Variants in SCHIP1 observed in about 807,000 individuals in gnomAD.
SCHIP1 encodes the protein schwannomin interacting protein 1.
SCHIP1 carries 8 observed loss-of-function variants against 29.7 expected under a neutral mutation model. The ratio of observed to expected loss-of-function variants is 0.27; its 90% CI spans 0.16 to 0.49. The LOEUF (loss-of-function observed/expected upper bound fraction) is 0.49, where lower values mean the gene tolerates loss of function less well. Among genes scored for constraint, SCHIP1 ranks in the 20% least tolerant of loss-of-function variants. The pLI is 0.99. For missense variants in SCHIP1, 193 were observed against 294.6 expected (o/e 0.66, Z 2.52); for synonymous variants, 76 against 94.9 (o/e 0.80, Z 1.16).
the SCHIP1 span, among the ~76,000 whole-genome samples, chr3:159,819,517 A>G: frequency 2.6e-5 from 4 of 152,192 alleles, no homozygotes. Context: ...AAACAGAAAG[A>G]AAAAAGCCCA....
At chr3:159,647,131 A>G in the SCHIP1 span, among the ~76,000 whole-genome samples, 1 of 152,252 alleles carries the variant, frequency 6.6e-6, no homozygotes, top group Non-Finnish European at 1.5e-5. Flanking sequence ...GTAGACCACC[A>G]TTTGAGGGAA....
chr3:159,382,501 C>T, the SCHIP1 span, among the ~76,000 whole-genome samples: 3 of 152,006 alleles, frequency 2.0e-5, no homozygotes, highest in Non-Finnish European at 4.4e-5. Context: ...TTAATCCAGT[C>T]TATCATTGTT....
At chr3:159,460,396 C>A in the SCHIP1 span, among the ~76,000 whole-genome samples, 1 of 152,162 alleles carries the variant, frequency 6.6e-6, no homozygotes, top group African/African-American at 2.4e-5. Flanking sequence ...CAAAGACCCA[C>A]AGAAAGTGAT....
At chr3:159,491,640 A>T in the SCHIP1 span, among the ~76,000 whole-genome samples, 2 of 152,258 alleles carry the variant, frequency 1.3e-5, no homozygotes, top group African/African-American at 4.8e-5. Context: ...ACCACAGCTC[A>T]AGGAGGCCTG....
At chr3:159,807,338 C>T in the SCHIP1 span, among the ~76,000 whole-genome samples, 1 of 152,152 alleles carries the variant, frequency 6.6e-6, no homozygotes, top group African/African-American at 2.4e-5. Context: ...TATGAATAAA[C>T]GGGCAAGTAA....
chr3:159,450,000 G>A, the SCHIP1 span, among the ~76,000 whole-genome samples: 1 of 151,908 alleles, frequency 6.6e-6, no homozygotes, highest in African/African-American at 2.4e-5. Context: ...AGAAGGAGAG[G>A]GGAGAAATCA....
the SCHIP1 span, among the ~76,000 whole-genome samples, chr3:159,711,707 T>TACAGAAA: frequency 3.9e-5 from 6 of 152,064 alleles, no homozygotes; most frequent in Non-Finnish European, 2.9e-5. Context: ...AGAGTTCTAT[T>TACAGAAA]ACAGAAAACA....
chr3:159,792,894 G>A, the SCHIP1 span, among the ~76,000 whole-genome samples: 2 of 152,162 alleles, frequency 1.3e-5, no homozygotes, highest in Admixed American at 6.5e-5. Context: ...GAATTTGGAT[G>A]TAATTTTTAA....
the SCHIP1 span, among the ~76,000 whole-genome samples, chr3:159,557,119 G>A: frequency 4.0e-5 from 6 of 151,356 alleles, no homozygotes; most frequent in East Asian, 1.9e-4. Context: ...CACCACGCCC[G>A]GCTAATTTTT....
the SCHIP1 span, among the ~76,000 whole-genome samples, chr3:159,756,938 C>G: frequency 1.3e-5 from 2 of 152,216 alleles, no homozygotes; most frequent in Non-Finnish European, 2.9e-5. Context: ...TTCAGTCAGC[C>G]TGACTTAATG....
chr3:159,693,177 A>G, the SCHIP1 span, among the ~76,000 whole-genome samples: 1 of 152,182 alleles, frequency 6.6e-6, no homozygotes, highest in South Asian at 2.1e-4. Flanking sequence ...TTTAATGAGA[A>G]TTGATGCCAT....
At chr3:159,785,311 G>A in the SCHIP1 span, among the ~76,000 whole-genome samples, 1 of 152,204 alleles carries the variant, frequency 6.6e-6, no homozygotes, top group Non-Finnish European at 1.5e-5. Flanking sequence ...CACTTAAAAT[G>A]CCATATCAGA....
At chr3:159,637,555 G>A in the SCHIP1 span, among the ~76,000 whole-genome samples, 2 of 152,158 alleles carry the variant, frequency 1.3e-5, no homozygotes, top group Non-Finnish European at 2.9e-5. Context: ...ATGCCAGAAA[G>A]AGGGAATGAA....
chr3:159,807,345 G>A, the SCHIP1 span, among the ~76,000 whole-genome samples: 1 of 152,176 alleles, frequency 6.6e-6, no homozygotes, highest in South Asian at 2.1e-4. Flanking sequence ...AAACGGGCAA[G>A]TAATGGATGA....
chr3:159,597,739 G>A, the SCHIP1 span, among the ~76,000 whole-genome samples: 4 of 152,122 alleles, frequency 2.6e-5, no homozygotes, highest in Admixed American at 2.6e-4. Context: ...CAATAAACAC[G>A]AAAGTGCAAT....
chr3:159,313,492 TAAGAATAG>T, the SCHIP1 span, among the ~76,000 whole-genome samples: 2 of 132,916 alleles, frequency 1.5e-5, no homozygotes, highest in Non-Finnish European at 3.6e-5. Flanking sequence ...AGTCCTGAAA[TAAGAATAG>T]AAGTAAGTAG....
At chr3:159,402,454 T>C in the SCHIP1 span, among the ~76,000 whole-genome samples, 1 of 152,232 alleles carries the variant, frequency 6.6e-6, no homozygotes, top group Non-Finnish European at 1.5e-5. Flanking sequence ...GGATTATAAA[T>C]CATGCTGCTA....
chr3:159,843,747 C>T (rs1337154988), intron 1 of SCHIP1, among the ~76,000 whole-genome samples: 3 of 140,500 alleles, frequency 2.1e-5, no homozygotes, highest in South Asian at 2.2e-4. Context: ...GGTGTGAACC[C>T]GGGAGGCAGA....
At chr3:159,729,840 C>T in the SCHIP1 span, among the ~76,000 whole-genome samples, 1 of 152,246 alleles carries the variant, frequency 6.6e-6, no homozygotes, top group African/African-American at 2.4e-5. Context: ...ATTTTAGCTG[C>T]AATAGACTAG....
Sources: gnomAD v4.1 joint callset for allele counts (sites outside exome capture counted in the v4.1 genomes callset) on GRCh38, gnomAD v4.1.1 for gene constraint, MANE v1.5 for transcripts, NCBI Gene and HGNC (gene_info 2026-07-23, HGNC 2026-07-21) for gene names.